The following SAMMSON variants were observed in gnomAD, a reference collection of about 807,000 sequenced individuals.
SAMMSON encodes the protein long intergenic non-protein coding RNA 1212.
At chr3:70,017,401 T>C (rs1236600278) in intron 3 of SAMMSON, among the ~76,000 whole-genome samples, 24 of 152,080 alleles carry the variant, frequency 1.6e-4, no homozygotes, top group Admixed American at 1.2e-3. Context: ...TATTGGTGTA[T>C]AAGAATGCTT....
intron 2 of SAMMSON, among the ~76,000 whole-genome samples, chr3:70,417,022 A>G (rs1261922872): frequency 6.6e-6 from 1 of 152,074 alleles, no homozygotes; most frequent in Non-Finnish European, 1.5e-5. Flanking sequence ...ATCACTAATC[A>G]GCTAAGACCG....
At chr3:70,010,540 G>A (rs981327563) in intron 1 of SAMMSON, among the ~76,000 whole-genome samples, 5 of 152,144 alleles carry the variant, frequency 3.3e-5, no homozygotes, top group Middle Eastern at 3.4e-3. Context: ...TATTTTCACT[G>A]ATGTCATTCT....
chr3:70,131,684 G>A (rs939148719), intron 4 of SAMMSON, among the ~76,000 whole-genome samples: 2 of 152,006 alleles, frequency 1.3e-5, no homozygotes, highest in African/African-American at 2.4e-5. Flanking sequence ...AAACTCAAAC[G>A]ATTCTCTCAC....
intron 4 of SAMMSON, among the ~76,000 whole-genome samples, chr3:70,244,054 G>A (rs572459591): frequency 1.4e-4 from 21 of 152,228 alleles, no homozygotes; most frequent in Non-Finnish European, 3.1e-4. Context: ...ATTCTTCACA[G>A]ATTTTCCACC....
At chr3:70,247,057 CTTTAG>C (rs1402281255) in intron 4 of SAMMSON, among the ~76,000 whole-genome samples, 7 of 150,930 alleles carry the variant, frequency 4.6e-5, no homozygotes, top group African/African-American at 1.7e-4. Context: ...ATTTTTTTTT[CTTTAG>C]TTTATTTTCC....
chr3:70,216,152 C>G (rs1473700211), intron 4 of SAMMSON, among the ~76,000 whole-genome samples: 9 of 151,062 alleles, frequency 6.0e-5, no homozygotes, highest in Non-Finnish European at 8.9e-5. Context: ...ATGTATATAT[C>G]TACATATTTA....
At chr3:70,236,017 G>A (rs1459620339) in intron 4 of SAMMSON, among the ~76,000 whole-genome samples, 3 of 152,038 alleles carry the variant, frequency 2.0e-5, no homozygotes, top group South Asian at 2.1e-4. Flanking sequence ...TACTAGCAGC[G>A]AATGAATGAG....
At chr3:70,384,316 C>T (rs983352548) in intron 9 of SAMMSON, among the ~76,000 whole-genome samples, 2 of 151,826 alleles carry the variant, frequency 1.3e-5, no homozygotes, top group Admixed American at 1.3e-4. Context: ...CATTTTAAAA[C>T]CTCCTGAAAA....
intron 4 of SAMMSON, chr3:70,126,456 G>A (rs549401036): frequency 1.7e-4 from 115 of 668,698 alleles, no homozygotes; most frequent in African/African-American, 1.5e-3. Context: ...TGCACCAACC[G>A]TGCCTTGAAG....
intron 6 of SAMMSON, among the ~76,000 whole-genome samples, chr3:70,269,360 T>TTC (rs1169057441): frequency 3.9e-5 from 6 of 152,206 alleles, no homozygotes; most frequent in Non-Finnish European, 8.8e-5. Context: ...CTGTAACCTG[T>TTC]CTGGATACAT....
chr3:70,299,966 A>T (rs1369222037), intron 7 of SAMMSON, among the ~76,000 whole-genome samples: 1 of 152,092 alleles, frequency 6.6e-6, no homozygotes, highest in African/African-American at 2.4e-5. Flanking sequence ...CGTTCTCTGA[A>T]AAGAACATAC....
intron 6 of SAMMSON, among the ~76,000 whole-genome samples, chr3:70,284,338 A>G (rs1171244865): frequency 6.6e-6 from 1 of 152,184 alleles, no homozygotes; most frequent in Non-Finnish European, 1.5e-5. Context: ...TCCAAGTTGT[A>G]AACTAATAAA....
chr3:70,260,472 G>A (rs990946813), intron 6 of SAMMSON, among the ~76,000 whole-genome samples: 1 of 151,948 alleles, frequency 6.6e-6, no homozygotes, highest in African/African-American at 2.4e-5. Flanking sequence ...CATCCCCTCA[G>A]TTCAACTCGT....
intron 4 of SAMMSON, among the ~76,000 whole-genome samples, chr3:70,100,765 G>A (rs1356126866): frequency 6.6e-6 from 1 of 151,950 alleles, no homozygotes; most frequent in Non-Finnish European, 1.5e-5. Context: ...CCAACTAAGG[G>A]GGGAAAAAAT....
intron 4 of SAMMSON, among the ~76,000 whole-genome samples, chr3:70,096,505 C>G (rs996838788): frequency 1.3e-5 from 2 of 152,186 alleles, no homozygotes; most frequent in African/African-American, 4.8e-5. Context: ...GATTGCACCA[C>G]TGCGCTCCAG....
intron 4 of SAMMSON, among the ~76,000 whole-genome samples, chr3:70,084,269 C>T (rs1280142829): frequency 6.6e-6 from 1 of 152,164 alleles, no homozygotes; most frequent in Non-Finnish European, 1.5e-5. Flanking sequence ...TACCTCTAGC[C>T]TGCTGCAACC....
intron 6 of SAMMSON, among the ~76,000 whole-genome samples, chr3:70,270,371 T>C (rs1285456698): frequency 6.6e-6 from 1 of 152,170 alleles, no homozygotes; most frequent in Non-Finnish European, 1.5e-5. Flanking sequence ...TAAACTAGTA[T>C]TAAATTTTTT....
chr3:70,317,623 T>C lies in SAMMSON; in HGVS notation n.739+26380T>C, dbSNP rs531241437. Among the ~76,000 whole-genome samples, 225 of 150,862 alleles carry C rather than the reference T, an allele frequency of 1.5e-3. 1 individual carries two copies. Among genetic ancestry groups the C allele is most frequent in the Non-Finnish European group, 2.8e-3 (186 of 67,606 alleles). On this transcript the variant is annotated intron_variant and non_coding_transcript_variant, in intron 7 of 9. Coordinates refer to ENST00000642114, the Ensembl canonical transcript of SAMMSON. ...ATATATATATGTATGTATATATGTA[T>C]ATATATATATGGATATACACGCGTG...
intron 4 of SAMMSON, among the ~76,000 whole-genome samples, chr3:70,177,503 C>T (rs1328483450): frequency 1.3e-5 from 2 of 152,194 alleles, no homozygotes; most frequent in East Asian, 3.9e-4. Context: ...AGAGGAGTGA[C>T]ATTCAGTTGT....
Sources: allele counts gnomAD v4.1 joint callset (sites outside exome capture counted in the v4.1 genomes callset), GRCh38; gene constraint gnomAD v4.1.1; transcripts MANE v1.5; gene names NCBI Gene and HGNC (gene_info 2026-07-23, HGNC 2026-07-21).